Variants in CPA6 observed in about 807,000 individuals in gnomAD.
The protein encoded by CPA6 is carboxypeptidase B.
Under a neutral mutation model 63.3 loss-of-function variants are expected in CPA6, and 58 were observed. The observed-to-expected ratio is 0.92, with a 90% CI of 0.74 to 1.14. CPA6 has a LOEUF of 1.14. Among genes scored for constraint, CPA6 ranks in the 50% most tolerant of loss-of-function variants. The pLI is 0.00. For synonymous variants in CPA6, 185 were observed against 179.0 expected, an observed-to-expected ratio of 1.03 and a Z score of -0.27; for missense variants, 565 against 526.6, an observed-to-expected ratio of 1.07 and a Z score of -0.71.
intron 8 of CPA6, among the ~76,000 whole-genome samples, chr8:67,439,072 A>G (rs1810228693): frequency 6.6e-6 from 1 of 151,696 alleles, no homozygotes; most frequent in South Asian, 2.1e-4. Flanking sequence ...AGCATGGAGG[A>G]TTGCTTGAGG....
At chr8:67,491,206 G>A (rs1422756842) in intron 6 of CPA6, among the ~76,000 whole-genome samples, 2 of 150,474 alleles carry the variant, frequency 1.3e-5, no homozygotes, top group Non-Finnish European at 2.9e-5. Context: ...TTGGAGTCGG[G>A]GAGAGTTTAC....
At chr8:67,631,004 G>A (rs1206742006) in intron 1 of CPA6, among the ~76,000 whole-genome samples, 7 of 152,208 alleles carry the variant, frequency 4.6e-5, no homozygotes, top group East Asian at 1.9e-4. Context: ...ACTGAGCCCC[G>A]CTCCCCTACT....
chr8:67,447,055 C>CATAT (rs112687202), intron 8 of CPA6, among the ~76,000 whole-genome samples: 2 of 140,822 alleles, frequency 1.4e-5, no homozygotes, highest in Admixed American at 1.4e-4. Context: ...TATACACACA[C>CATAT]ATATATATAC....
chr8:67,726,398 C>T (rs1486058124), intron 1 of CPA6, among the ~76,000 whole-genome samples: 1 of 152,140 alleles, frequency 6.6e-6, no homozygotes, highest in Admixed American at 6.5e-5. Flanking sequence ...CCTTCTTTGG[C>T]AAATGACGAC....
At chr8:67,575,962 C>A (rs1395917518) in intron 2 of CPA6, among the ~76,000 whole-genome samples, 1 of 152,106 alleles carries the variant, frequency 6.6e-6, no homozygotes, top group Non-Finnish European at 1.5e-5. Context: ...TACATGTTCT[C>A]ACTTGATTTT....
At position 67,483,844 on chromosome 8, in the gene CPA6, T is replaced by C; in HGVS notation, c.762A>G (p.Arg254=). The change falls in exon 8 of 11, where the codon AGA becomes AGG. Residue 254 remains arginine, a synonymous_variant. Coordinates refer to ENST00000297770, the MANE Select transcript of CPA6 (RefSeq NM_020361.5). ...HFSWTNDRFW[R]KTRSRNSRFR... is the part of the protein sequence containing the mutation. ...ACCTTGAGTTCCTTGACCTTGTTTT[T>C]CTCCAAAATCGATCCTAGACATAAT... The C allele has an allele frequency of 6.2e-7, 1 of 1,613,926 alleles. No individual in the cohort carries two copies. Among genetic ancestry groups the C allele is most frequent in the Non-Finnish European group, 8.5e-7 (1 of 1,179,808 alleles).
At chr8:67,520,856 T>A (rs1812243277) in intron 2 of CPA6, among the ~76,000 whole-genome samples, 1 of 152,222 alleles carries the variant, frequency 6.6e-6, no homozygotes, top group African/African-American at 2.4e-5. Flanking sequence ...AAAATAAGCA[T>A]CTTCCAACTT....
intron 1 of CPA6, among the ~76,000 whole-genome samples, chr8:67,686,223 T>C (rs1018724727): frequency 3.3e-5 from 5 of 152,164 alleles, no homozygotes; most frequent in African/African-American, 1.2e-4. Context: ...CATAACCCCC[T>C]CCTAATTGCT....
chr8:67,462,682 G>C (rs1810839699), intron 8 of CPA6, among the ~76,000 whole-genome samples: 1 of 152,120 alleles, frequency 6.6e-6, no homozygotes, highest in Non-Finnish European at 1.5e-5. Context: ...TTAACACGTA[G>C]AGCTGTGCTG....
At chr8:67,662,551 C>CAT (rs1170633237) in intron 1 of CPA6, among the ~76,000 whole-genome samples, 2 of 119,246 alleles carry the variant, frequency 1.7e-5, no homozygotes, top group Non-Finnish European at 3.3e-5. Context: ...TACATACACA[C>CAT]GTATATGTAT....
At chr8:67,684,001 G>GTATATATATATATATATA (rs3056573) in intron 1 of CPA6, among the ~76,000 whole-genome samples, 4 of 116,972 alleles carry the variant, frequency 3.4e-5, no homozygotes, top group South Asian at 3.1e-4. Flanking sequence ...ATTTTAAAAT[G>GTATATATATATATATATA]TATATATATA....
chr8:67,710,617 T>C (rs1041117281), intron 1 of CPA6, among the ~76,000 whole-genome samples: 3 of 152,066 alleles, frequency 2.0e-5, no homozygotes, highest in African/African-American at 7.2e-5. Flanking sequence ...TAATGCTGAT[T>C]AGCTGTGTCT....
intron 2 of CPA6, among the ~76,000 whole-genome samples, chr8:67,530,691 T>C (rs185634986): frequency 6.6e-6 from 1 of 152,190 alleles, no homozygotes; most frequent in Non-Finnish European, 1.5e-5. Flanking sequence ...ATGTCTGTTA[T>C]AACTACACAA....
At chr8:67,562,691 C>A (rs1335386334) in intron 2 of CPA6, among the ~76,000 whole-genome samples, 2 of 152,068 alleles carry the variant, frequency 1.3e-5, no homozygotes, top group East Asian at 3.9e-4. Context: ...GTAAAAGAGG[C>A]CCCAATGAGC....
intron 1 of CPA6, among the ~76,000 whole-genome samples, chr8:67,742,145 C>G (rs182921427): frequency 1.3e-5 from 1 of 75,828 alleles, no homozygotes; most frequent in Non-Finnish European, 3.3e-5. Flanking sequence ...TGTGTGTGTG[C>G]GCGTGTGTGT....
At chr8:67,533,182 C>G (rs1004268239) in intron 2 of CPA6, among the ~76,000 whole-genome samples, 1 of 152,190 alleles carries the variant, frequency 6.6e-6, no homozygotes, top group African/African-American at 2.4e-5. Context: ...ATTTTGCCCT[C>G]ACAATCTCAC....
intron 2 of CPA6, among the ~76,000 whole-genome samples, chr8:67,611,407 A>G (rs1158945287): frequency 3.3e-5 from 5 of 152,206 alleles, no homozygotes; most frequent in Admixed American, 2.6e-4. Context: ...TCACTTCTCT[A>G]TATTCCACTT....
At chr8:67,585,369 G>A (rs1438353087) in intron 2 of CPA6, among the ~76,000 whole-genome samples, 1 of 152,214 alleles carries the variant, frequency 6.6e-6, no homozygotes, top group African/African-American at 2.4e-5. Flanking sequence ...GACTAGGGCT[G>A]TTGCATCAGT....
intron 2 of CPA6, chr8:67,569,405 C>A: frequency 5.4e-6 from 1 of 184,964 alleles, no homozygotes; most frequent in Non-Finnish European, 1.2e-5. Context: ...GTTCCATGTT[C>A]CCCCTACAAA....
Sources: gnomAD v4.1 joint callset for allele counts (sites outside exome capture counted in the v4.1 genomes callset) on GRCh38, gnomAD v4.1.1 for gene constraint, MANE v1.5 for transcripts, NCBI Gene and HGNC (gene_info 2026-07-23, HGNC 2026-07-21) for gene names.